The following KIAA1217 variants were observed in gnomAD, a reference collection of about 807,000 sequenced individuals.
KIAA1217 encodes the protein sickle tail protein homolog.
Under a neutral mutation model 163.9 loss-of-function variants are expected in KIAA1217, and 88 were observed. The observed-to-expected ratio is 0.54, with a 90% CI of 0.45 to 0.64. The LOEUF is 0.64. Among genes scored for constraint, KIAA1217 ranks in the 30% least tolerant of loss-of-function variants. KIAA1217 has a pLI of 0.00. For synonymous variants in KIAA1217, 903 were observed against 923.1 expected (o/e 0.98, Z 0.39); for missense variants, 2,372 against 2,475.0 (o/e 0.96, Z 0.88).
At chr10:23,762,831 C>G (rs956667545) in intron 1 of KIAA1217, among the ~76,000 whole-genome samples, 3 of 152,208 alleles carry the variant, frequency 2.0e-5, no homozygotes, top group Non-Finnish European at 2.9e-5. Flanking sequence ...CAAATTATCT[C>G]TGTTTGCAGA....
intron 2 of KIAA1217, among the ~76,000 whole-genome samples, chr10:24,301,604 T>TC (rs1008306785): frequency 1.3e-5 from 2 of 152,206 alleles, no homozygotes; most frequent in African/African-American, 4.8e-5. Flanking sequence ...TGTAGCTTCA[T>TC]CCCCAGATCA....
upstream of KIAA1217, among the ~76,000 whole-genome samples, chr10:24,205,808 T>G (rs2067525677): frequency 6.6e-6 from 1 of 151,956 alleles, no homozygotes; most frequent in African/African-American, 2.4e-5. Flanking sequence ...AAGGAAAAAT[T>G]TACATGAAGG....
At chr10:23,817,994 T>C (rs566793146) in intron 1 of KIAA1217, among the ~76,000 whole-genome samples, 2,208 of 116,850 alleles carry the variant, frequency 0.019, 161 homozygotes, top group African/African-American at 0.083. Flanking sequence ...TATATATATA[T>C]ATATATATAT....
chr10:23,817,729 T>G (rs1438537210), intron 1 of KIAA1217, among the ~76,000 whole-genome samples: 1 of 151,710 alleles, frequency 6.6e-6, no homozygotes, highest in African/African-American at 2.4e-5. Context: ...GTTACAGAAA[T>G]AGTACTAGTC....
intron 2 of KIAA1217, among the ~76,000 whole-genome samples, chr10:24,221,226 G>A (rs923629070): frequency 1.1e-4 from 16 of 152,270 alleles, no homozygotes; most frequent in Admixed American, 3.9e-4. Context: ...ATTACTTTTA[G>A]CAGATAGAGC....
At chr10:24,303,453 C>T (rs961954030) in intron 2 of KIAA1217, among the ~76,000 whole-genome samples, 1 of 152,132 alleles carries the variant, frequency 6.6e-6, no homozygotes, top group Non-Finnish European at 1.5e-5. Flanking sequence ...GGGTGGTGGC[C>T]ATGAGAGGTG....
intron 1 of KIAA1217, among the ~76,000 whole-genome samples, chr10:23,934,579 A>ATATATATATATGTATATATATATATATG (rs1843417183): frequency 6.7e-5 from 4 of 59,784 alleles, no homozygotes; most frequent in Non-Finnish European, 2.8e-5. Context: ...ATATATATAT[A>ATATATATATATGTATATATATATATATG]TATATATATA....
chr10:24,220,800 A>T (rs1372247501), intron 2 of KIAA1217, among the ~76,000 whole-genome samples: 13 of 105,866 alleles, frequency 1.2e-4, no homozygotes, highest in Admixed American at 4.0e-4. Flanking sequence ...TTGCTGTATT[A>T]CCCAGGCTGG....
At chr10:23,721,955 G>T (rs1588662741) in intron 1 of KIAA1217, among the ~76,000 whole-genome samples, 1 of 151,852 alleles carries the variant, frequency 6.6e-6, no homozygotes, top group South Asian at 2.1e-4. Context: ...CCCATTGATG[G>T]ATGCATGGAT....
At chr10:24,162,885 C>T (rs548256024) in intron 2 of KIAA1217, among the ~76,000 whole-genome samples, 1 of 152,152 alleles carries the variant, frequency 6.6e-6, no homozygotes, top group Non-Finnish European at 1.5e-5. Context: ...GCTATGTGGG[C>T]CTTTCCAAAG....
chr10:24,546,356 T>C lies in KIAA1217; in HGVS notation c.*32T>C. On this transcript the variant is annotated 3_prime_UTR_variant, in exon 21 of 21. Coordinates refer to ENST00000376454, the MANE Select transcript of KIAA1217 (RefSeq NM_019590.5). ...AATCCTATTAGGCACAAGTCGGAGTTACATTTAAAAAAAATTAACAGTCTA... is the reference window on the plus strand; with the variant it reads ...AATCCTATTAGGCACAAGTCGGAGTCACATTTAAAAAAAATTAACAGTCTA... The C allele has an allele frequency of 6.5e-7, 1 of 1,538,740 alleles. No individual in the cohort carries two copies. The highest frequency in any genetic ancestry group is 2.3e-5 in the East Asian group (1 of 44,190).
At chr10:24,502,912 G>A (rs2067849254) in intron 9 of KIAA1217, among the ~76,000 whole-genome samples, 1 of 152,122 alleles carries the variant, frequency 6.6e-6, no homozygotes, top group Admixed American at 6.6e-5. Context: ...ACTTGAATGT[G>A]GAAGGCAGAG....
intron 1 of KIAA1217, among the ~76,000 whole-genome samples, chr10:23,776,176 A>C (rs1485208815): frequency 6.6e-6 from 1 of 152,144 alleles, no homozygotes; most frequent in Non-Finnish European, 1.5e-5. Context: ...TCTGAACTTG[A>C]ATGTTTCCTT....
intron 14 of KIAA1217, among the ~76,000 whole-genome samples, chr10:24,529,499 T>C (rs1037193441): frequency 1.3e-5 from 2 of 152,100 alleles, no homozygotes; most frequent in Non-Finnish European, 2.9e-5. Flanking sequence ...TTTATATATA[T>C]ATATATATTT....
chr10:23,717,080 T>C (rs1218265845), intron 1 of KIAA1217, among the ~76,000 whole-genome samples: 1 of 152,158 alleles, frequency 6.6e-6, no homozygotes, highest in Non-Finnish European at 1.5e-5. Flanking sequence ...ATTAAACCCC[T>C]GCCTTACTTT....
chr10:24,328,207 C>T (rs771699735), intron 2 of KIAA1217, among the ~76,000 whole-genome samples: 6 of 152,158 alleles, frequency 3.9e-5, no homozygotes, highest in Non-Finnish European at 8.8e-5. Context: ...TCAAATTCAT[C>T]TCCCTGTCTG....
intron 2 of KIAA1217, among the ~76,000 whole-genome samples, chr10:24,050,372 T>A (rs1221392460): frequency 6.6e-6 from 1 of 152,248 alleles, no homozygotes; most frequent in Non-Finnish European, 1.5e-5. Flanking sequence ...AGTCATGAAG[T>A]CTTTGCCCAT....
chr10:23,763,587 G>T (rs1314176834), intron 1 of KIAA1217, among the ~76,000 whole-genome samples: 2 of 152,054 alleles, frequency 1.3e-5, no homozygotes, highest in African/African-American at 4.8e-5. Context: ...ACACCTTATA[G>T]AAAAATTAAC....
intron 1 of KIAA1217, among the ~76,000 whole-genome samples, chr10:23,935,493 C>A (rs546896137): frequency 6.6e-6 from 1 of 152,084 alleles, no homozygotes; most frequent in East Asian, 1.9e-4. Context: ...TGCAGTGTAA[C>A]CAAAAATTTT....
Sources: gnomAD v4.1 joint callset for allele counts (sites outside exome capture counted in the v4.1 genomes callset) on GRCh38, gnomAD v4.1.1 for gene constraint, MANE v1.5 for transcripts, NCBI Gene and HGNC (gene_info 2026-07-23, HGNC 2026-07-21) for gene names.